The following RASGRP3 variants were observed in gnomAD, a reference collection of about 807,000 sequenced individuals.
RASGRP3 encodes the protein RAS guanyl releasing protein 3.
RASGRP3 carries 54 observed loss-of-function variants against 82.7 expected under a neutral mutation model. The observed-to-expected ratio is 0.65, with a 90% confidence interval of 0.52 to 0.82. The LOEUF is 0.82. Ranked by LOEUF, RASGRP3 falls within the 40% of genes least tolerant of loss-of-function variation. The pLI, the probability that RASGRP3 is intolerant of heterozygous loss-of-function variation, is 0.00. For missense variants in RASGRP3, 861 were observed against 828.9 expected (o/e 1.04, Z -0.48); for synonymous variants, 309 against 300.5 (o/e 1.03, Z -0.29).
intron 12 of RASGRP3, among the ~76,000 whole-genome samples, chr2:33,542,899 G>C (rs893947870): frequency 6.6e-6 from 1 of 151,920 alleles, no homozygotes; most frequent in Non-Finnish European, 1.5e-5. Context: ...CATCATGTTG[G>C]TCAGGGTGGT....
intron 1 of RASGRP3, among the ~76,000 whole-genome samples, chr2:33,491,319 A>C (rs1320048196): frequency 6.6e-6 from 1 of 152,196 alleles, no homozygotes; most frequent in East Asian, 1.9e-4. Flanking sequence ...TGTGTCTCAA[A>C]AAAATTAAAA....
At chr2:33,495,567 A>G (rs34302704) in intron 1 of RASGRP3, among the ~76,000 whole-genome samples, 8,913 of 152,060 alleles carry the variant, frequency 0.059, 380 homozygotes, top group African/African-American at 0.12. Context: ...AGATATTATA[A>G]TGATGTAATG....
At chr2:33,523,843 A>T in intron 7 of RASGRP3, 36 bp from the exon 8 acceptor site, 1 of 1,553,984 alleles carries the variant, frequency 6.4e-7, no homozygotes, top group Non-Finnish European at 8.8e-7. Flanking sequence ...CAAAGGCTCT[A>T]TTATAATTCA....
At chr2:33,441,098 G>T (rs1242509137) in intron 1 of RASGRP3, among the ~76,000 whole-genome samples, 2 of 152,022 alleles carry the variant, frequency 1.3e-5, no homozygotes, top group East Asian at 3.8e-4. Flanking sequence ...TCACCATGTT[G>T]CCAAGTTGGT....
intron 4 of RASGRP3, among the ~76,000 whole-genome samples, chr2:33,519,624 C>A (rs1013125613): frequency 6.6e-6 from 1 of 152,178 alleles, no homozygotes; most frequent in Non-Finnish European, 1.5e-5. Flanking sequence ...TGTAGTGTTT[C>A]TCTGTACTAC....
intron 1 of RASGRP3, among the ~76,000 whole-genome samples, chr2:33,437,430 G>T (rs2150867825): frequency 6.6e-6 from 1 of 152,332 alleles, no homozygotes; most frequent in Non-Finnish European, 1.5e-5. Context: ...ATCCGCTGCT[G>T]ATAATAACCA....
intron 10 of RASGRP3, among the ~76,000 whole-genome samples, chr2:33,528,012 T>A (rs1551486): frequency 2.0e-5 from 3 of 152,152 alleles, no homozygotes; most frequent in Non-Finnish European, 4.4e-5. Flanking sequence ...TTCTGCTTCC[T>A]GGCCTTTGGA....
intron 2 of RASGRP3, among the ~76,000 whole-genome samples, chr2:33,463,922 A>G (rs1001054143): frequency 1.3e-5 from 2 of 151,514 alleles, no homozygotes; most frequent in Non-Finnish European, 2.9e-5. Flanking sequence ...TTATTTGTAC[A>G]TGTGCATACC....
chr2:33,534,149 G>GT, intron 10 of RASGRP3, 174 bp from the exon 11 acceptor site: 1 of 577,712 alleles, frequency 1.7e-6, no homozygotes, highest in East Asian at 3.0e-5. Context: ...CAGGATTAAC[G>GT]TTTTCTCTTT....
In RASGRP3 at chr2:33,543,591, CCTT is replaced by C; in HGVS notation, c.1362_1364del (p.Phe454del). The C allele has an allele frequency of 6.2e-7, 1 of 1,609,924 alleles. No homozygotes were observed. ...TTTGAAAGTATAGCTGCCAATTTTC[CCTT>C]CTTGGATTCCTTCTGTGTTCTGGAC... is the stretch of plus-strand genomic sequence containing the variant. On this transcript the variant is annotated inframe_deletion, in exon 13 of 18. Transcript: ENST00000403687.
chr2:33,439,531 T>C (rs1348493062), intron 1 of RASGRP3, among the ~76,000 whole-genome samples: 1 of 152,204 alleles, frequency 6.6e-6, no homozygotes, highest in East Asian at 1.9e-4. Flanking sequence ...AACAAACACT[T>C]TTTTAGTCTA....
chr2:33,557,850 C>T (rs1414617951), intron 15 of RASGRP3, among the ~76,000 whole-genome samples: 1 of 152,046 alleles, frequency 6.6e-6, no homozygotes, highest in African/African-American at 2.4e-5. Context: ...GTGGGGATTC[C>T]GTCTAAGCCT....
chr2:33,472,870 C>CAAAAAAAAAAAAAAAAAA (rs57159320), upstream of RASGRP3, among the ~76,000 whole-genome samples: 2 of 68,084 alleles, frequency 2.9e-5, no homozygotes, highest in Non-Finnish European at 5.9e-5. Flanking sequence ...GACTCCGTCT[C>CAAAAAAAAAAAAAAAAAA]AAAAAAAAAA....
At chr2:33,525,802 A>G (rs1672502069) in intron 9 of RASGRP3, among the ~76,000 whole-genome samples, 1 of 149,664 alleles carries the variant, frequency 6.7e-6, no homozygotes, top group South Asian at 2.2e-4. Context: ...ACTTGAGCCC[A>G]GGAGTTTGAG....
At chr2:33,470,847 G>C (rs574942616) in intron 2 of RASGRP3, among the ~76,000 whole-genome samples, 27 of 152,148 alleles carry the variant, frequency 1.8e-4, no homozygotes, top group African/African-American at 6.0e-4. Flanking sequence ...GCAAATTTTA[G>C]TTTGTTCTAT....
chr2:33,521,846 G>A, intron 6 of RASGRP3, 109 bp from the exon 7 acceptor site: 1 of 1,305,654 alleles, frequency 7.7e-7, no homozygotes, highest in Non-Finnish European at 1.0e-6. Context: ...CATGTATTTT[G>A]CACAAGTCCC....
rs544965125 is a variant in RASGRP3 at position 33,457,641 on chromosome 2, T to G, written c.-261+9698T>G. 2.6e-5 allele frequency among the ~76,000 whole-genome samples: 4 copies of G among 152,260 alleles called. No individual in the cohort carries two copies. The South Asian group carries it at 8.3e-4, about 32-fold the overall frequency. ...AAATCCTGATGCGGAATGCATTATTTGCAACCCTCACTGCCACCCTTTGAG... is the reference window on the plus strand; with the variant it reads ...AAATCCTGATGCGGAATGCATTATTGGCAACCCTCACTGCCACCCTTTGAG... On this transcript the variant is annotated intron_variant, in intron 2 of 18. Coordinates refer to the RASGRP3 transcript ENST00000402538.
intron 16 of RASGRP3, 116 bp from the exon 17 acceptor site, chr2:33,558,556 C>G (rs1179100135): frequency 2.7e-6 from 3 of 1,129,428 alleles, no homozygotes; most frequent in South Asian, 1.6e-5. Context: ...TGAGTTCTGT[C>G]CCTTGTCGGT....
chr2:33,437,090 G>T (rs773521246), intron 1 of RASGRP3, among the ~76,000 whole-genome samples: 18 of 151,930 alleles, frequency 1.2e-4, no homozygotes, highest in Non-Finnish European at 2.1e-4. Flanking sequence ...TTTAATACAG[G>T]TTTTTTGTCT....
Sources: gnomAD v4.1 joint callset for allele counts (sites outside exome capture counted in the v4.1 genomes callset) on GRCh38, gnomAD v4.1.1 for gene constraint, MANE v1.5 for transcripts, NCBI Gene and HGNC (gene_info 2026-07-23, HGNC 2026-07-21) for gene names.